TK2: variants seen among roughly 807,000 people sequenced by gnomAD.
TK2 encodes the protein thymidine kinase 2.
In TK2, 35 loss-of-function variants were observed where a neutral mutation model predicts 41.9. That is an observed-to-expected ratio of 0.84 (90% CI 0.64 to 1.11). The LOEUF is 1.11. TK2 is among the 50% of genes least tolerant of loss of function. The pLI, the probability that TK2 is intolerant of heterozygous loss-of-function variation, is 0.00. For synonymous variants in TK2, 128 were observed against 129.1 expected (o/e 0.99, Z 0.06); for missense variants, 320 against 351.1 (o/e 0.91, Z 0.71).
intron 8 of TK2, among the ~76,000 whole-genome samples, chr16:66,515,035 C>T (rs1185552850): frequency 4.6e-5 from 7 of 152,096 alleles, no homozygotes; most frequent in Admixed American, 2.0e-4. Flanking sequence ...CTGCGGAAGG[C>T]GGCAGGGCCC....
intron 4 of TK2, among the ~76,000 whole-genome samples, chr16:66,535,810 G>A (rs987325560): frequency 1.3e-5 from 2 of 152,322 alleles, no homozygotes; most frequent in African/African-American, 4.8e-5. Flanking sequence ...GTGTGCCTTG[G>A]TTTTAGCAAA....
upstream of TK2, chr16:66,550,142 G>A (rs750014462): frequency 3.1e-6 from 5 of 1,612,450 alleles, no homozygotes; most frequent in Admixed American, 1.7e-5. Flanking sequence ...GCCGTTGGGC[G>A]CCGCCTGGAT....
At position 66,530,225 on chromosome 16, in the gene TK2, A is replaced by T. The variant is rs565995082; in HGVS notation, c.375+1155T>A. ...ACAGAAGAATGGTAGCTATTGCTGC[A>T]GGTACCCAGACTGGGACCGAACTGT... is the stretch of plus-strand genomic sequence containing the variant. On this transcript the variant is annotated intron_variant, in intron 5 of 9. Transcript: ENST00000544898. Among the ~76,000 whole-genome samples, 6 of 152,368 alleles carry T rather than the reference A, an allele frequency of 3.9e-5. No individual in the cohort carries two copies. The South Asian group carries it at 1.0e-3, about 26-fold the overall frequency.
chr16:66,522,859 C>T (rs78452648), intron 6 of TK2, among the ~76,000 whole-genome samples: 9,498 of 151,972 alleles, frequency 0.062, 972 homozygotes, highest in African/African-American at 0.22. Flanking sequence ...AGCAAAACTC[C>T]GTCTCAAAAA....
intron 6 of TK2, among the ~76,000 whole-genome samples, chr16:66,522,766 A>C (rs761143236): frequency 2.6e-5 from 4 of 152,190 alleles, no homozygotes; most frequent in Admixed American, 2.6e-4. Flanking sequence ...CGGGAGGCTG[A>C]GGCAGGAGAA....
At chr16:66,537,533 G>C (rs909248701) in intron 3 of TK2, among the ~76,000 whole-genome samples, 2 of 152,214 alleles carry the variant, frequency 1.3e-5, no homozygotes, top group African/African-American at 4.8e-5. Flanking sequence ...TGTCTCACTG[G>C]TTTGGAGGCA....
At chr16:66,549,882 C>CG (rs1401495004) in intron 1 of TK2, 56 bp downstream of exon 1, 12 of 1,300,396 alleles carry the variant, frequency 9.2e-6, no homozygotes, top group Non-Finnish European at 1.2e-5. Context: ...GCCGAGGGGC[C>CG]GGGAGTAGGT....
chr16:66,524,135 G>A (rs569988077), intron 6 of TK2, among the ~76,000 whole-genome samples: 98 of 152,292 alleles, frequency 6.4e-4, no homozygotes, highest in African/African-American at 2.3e-3. Context: ...CAGGCCAGGT[G>A]CAGGAAACAG....
At chr16:66,545,074 A>G (rs1348307976) in intron 2 of TK2, among the ~76,000 whole-genome samples, 2 of 150,684 alleles carry the variant, frequency 1.3e-5, no homozygotes, top group African/African-American at 4.9e-5. Context: ...AGTCTGGGTG[A>G]CAGAGTGAGA....
rs1964415553 is a variant in TK2, at chr16:66,510,305, A to C, written c.*1663T>G. The C allele has an allele frequency of 6.6e-6, 1 of 152,216 alleles. No homozygotes were observed. Among genetic ancestry groups the C allele is most frequent in the Non-Finnish European group, 1.5e-5 (1 of 68,034 alleles). 9.4% of individuals were successfully genotyped at this position (152,216 alleles called of 1,614,324 possible). A position where few individuals can be genotyped will look rare whatever the true frequency, so the allele number is the denominator to read the frequency against. ...GGAAATATTGGACTGTTCATTTACA[A>C]ATTCTCAAAGACAGACCCCACATGT... On this transcript the variant is annotated 3_prime_UTR_variant, in exon 10 of 10. Coordinates refer to ENST00000544898, the MANE Select transcript of TK2 (RefSeq NM_004614.5).
rs747276038 is a variant in TK2, at chr16:66,541,929, T to C, written c.181A>G (p.Ser61Gly). 2 of 1,614,106 alleles carry C rather than the reference T, an allele frequency of 1.2e-6. No individual in the cohort carries two copies. The highest frequency in any genetic ancestry group is 1.7e-6 in the Non-Finnish European group (2 of 1,180,014). Residue 61 changes from serine to glycine, a missense_variant, in exon 3 of 10, where the codon AGT (serine) becomes GGT (glycine). Ser to Gly is a moderately conservative substitution (Grantham distance 56, BLOSUM62 0). Transcript: ENST00000544898. Reference protein sequence around the residue: ...SVICVEGNIASGKTTCLEFFS... With the variant: ...SVICVEGNIAGGKTTCLEFFS... Reference sequence around the variant, plus strand: ...AATTCCAGGCATGTCGTCTTCCCACTTGCAATATTGCCCTCGACACAGATC... The same window carrying C: ...AATTCCAGGCATGTCGTCTTCCCACCTGCAATATTGCCCTCGACACAGATC...
At position 66,509,476 on chromosome 16, in the gene TK2, G is replaced by A. The variant is rs1964387074; in HGVS notation, c.*2492C>T. On this transcript the variant is annotated 3_prime_UTR_variant, in exon 10 of 10. Coordinates refer to ENST00000544898, the MANE Select transcript of TK2 (RefSeq NM_004614.5). ...ATGGTTATAATCATATATTTTACAT[G>A]TACTGTCAAAAAGCTTAAATAAAAG... 1 of 152,196 alleles carries A rather than the reference G, an allele frequency of 6.6e-6. No individual in the cohort carries two copies. The highest frequency in any genetic ancestry group is 1.9e-4 in the East Asian group (1 of 5,194). The allele number at this position is 152,196 out of a possible 1,614,324, so 9.4% of individuals were successfully genotyped here.
intron 6 of TK2, among the ~76,000 whole-genome samples, chr16:66,527,924 C>T (rs1440271200): frequency 2.0e-5 from 3 of 151,966 alleles, no homozygotes; most frequent in Non-Finnish European, 2.9e-5. Context: ...CCCAGCTACT[C>T]GGGAGGCTGA....
intron 8 of TK2, among the ~76,000 whole-genome samples, chr16:66,516,833 C>A (rs372657122): frequency 6.6e-6 from 1 of 152,064 alleles, no homozygotes; most frequent in Non-Finnish European, 1.5e-5. Context: ...GGAGGCAGAA[C>A]AGACAAGCCC....
intron 9 of TK2, 93 bp from the exon 10 acceptor site, chr16:66,512,159 G>T: frequency 2.5e-6 from 3 of 1,179,932 alleles, no homozygotes; most frequent in Non-Finnish European, 3.8e-6. Context: ...GCAGGCAGCA[G>T]GGGGCAGGGA....
chr16:66,550,032 GGCCCA>G lies in TK2; in HGVS notation c.25_29del (p.Trp9ArgfsTer33), dbSNP rs1358847747. ...GCCCAAAGCAGCGCAGCGCCCGGGC[GGCCCA>G]GCCCCGCAGCGGCCACAGCAGCATA... On this transcript the variant is annotated frameshift_variant, in exon 1 of 10. Transcript: ENST00000544898. LOFTEE classifies it high-confidence loss of function. 1 of 1,553,916 alleles carries G rather than the reference GGCCCA, an allele frequency of 6.4e-7. No homozygotes were observed. Among genetic ancestry groups the G allele is most frequent in the Non-Finnish European group, 8.7e-7 (1 of 1,150,520 alleles).
chr16:66,549,805 C>A, intron 1 of TK2, 133 bp downstream of exon 1: 1 of 1,287,224 alleles, frequency 7.8e-7, no homozygotes, highest in East Asian at 3.2e-5. Flanking sequence ...GCCCCCGTCC[C>A]AGCCGCAGCC....
rs1468680079 is a variant in TK2, at chr16:66,510,152, G to A, written c.*1816C>T. On this transcript the variant is annotated 3_prime_UTR_variant, in exon 10 of 10. Transcript: ENST00000544898. ...GGTGAAGGAGTTATTGGGTATCACA[G>A]AGCAAGAAAAAAATCATGGGTACGT... The A allele has an allele frequency of 6.9e-6, 1 of 144,908 alleles. No individual in the cohort carries two copies. The highest frequency in any genetic ancestry group is 2.6e-5 in the African/African-American group (1 of 39,168). The allele number at this position is 144,908 out of a possible 1,614,324, so 9.0% of individuals were successfully genotyped here.
chr16:66,519,678 G>A (rs945799406), intron 6 of TK2, among the ~76,000 whole-genome samples: 2 of 152,216 alleles, frequency 1.3e-5, no homozygotes, highest in African/African-American at 4.8e-5. Context: ...TCAGCAGGCA[G>A]ACAACCCTCA....
Sources: gnomAD v4.1 joint callset for allele counts (sites outside exome capture counted in the v4.1 genomes callset) on GRCh38, gnomAD v4.1.1 for gene constraint, MANE v1.5 for transcripts, NCBI Gene and HGNC (gene_info 2026-07-23, HGNC 2026-07-21) for gene names.